COL25A1: variants seen among roughly 807,000 people sequenced by gnomAD.
The protein encoded by COL25A1 is collagen alpha-1(XXV) chain.
COL25A1 carries 103 observed loss-of-function variants against 128.4 expected under a neutral mutation model. The observed-to-expected ratio is 0.80, with a 90% CI of 0.68 to 0.94. The LOEUF (loss-of-function observed/expected upper bound fraction) is 0.94. COL25A1 is among the 40% of genes least tolerant of loss of function. COL25A1 has a pLI of 0.00. For synonymous variants in COL25A1, 279 were observed against 277.2 expected, an observed-to-expected ratio of 1.01 and a Z score of -0.06; for missense variants, 745 against 840.0, an observed-to-expected ratio of 0.89 and a Z score of 1.40.
intron 11 of COL25A1, among the ~76,000 whole-genome samples, chr4:108,921,705 T>C (rs1203099070): frequency 6.6e-6 from 1 of 152,232 alleles, no homozygotes; most frequent in Non-Finnish European, 1.5e-5. Context: ...CACCATGTTA[T>C]TTTGCAATCC....
chr4:108,914,997 A>C (rs1328751108), intron 13 of COL25A1, among the ~76,000 whole-genome samples: 1 of 152,188 alleles, frequency 6.6e-6, no homozygotes, highest in Non-Finnish European at 1.5e-5. Flanking sequence ...GACACATAGC[A>C]TTCTCTCTCA....
chr4:109,142,301 AT>A (rs1478428348), intron 3 of COL25A1, among the ~76,000 whole-genome samples: 2 of 151,436 alleles, frequency 1.3e-5, no homozygotes, highest in Non-Finnish European at 3.0e-5. Flanking sequence ...TATGATATCC[AT>A]TTTTTGCATT....
chr4:109,060,739 C>T (rs1484850893), intron 3 of COL25A1, among the ~76,000 whole-genome samples: 1 of 151,216 alleles, frequency 6.6e-6, no homozygotes, highest in Non-Finnish European at 1.5e-5. Flanking sequence ...GAGTTCATGG[C>T]TTTCAGAATT....
At chr4:109,254,790 A>T (rs1475680041) in intron 3 of COL25A1, among the ~76,000 whole-genome samples, 1 of 152,092 alleles carries the variant, frequency 6.6e-6, no homozygotes, top group Non-Finnish European at 1.5e-5. Flanking sequence ...TGCCCAGCAA[A>T]GAGATTCTGC....
At chr4:109,169,481 T>C (rs1233276933) in intron 3 of COL25A1, among the ~76,000 whole-genome samples, 1 of 152,202 alleles carries the variant, frequency 6.6e-6, no homozygotes, top group Non-Finnish European at 1.5e-5. Flanking sequence ...TGATTATCCT[T>C]GTGTGTTTGC....
intron 16 of COL25A1, among the ~76,000 whole-genome samples, chr4:108,891,305 C>T (rs1175181057): frequency 6.6e-6 from 1 of 152,060 alleles, no homozygotes; most frequent in African/African-American, 2.4e-5. Context: ...ATTGCTATTC[C>T]TCCTGTTGAA....
At chr4:108,984,026 T>C (rs1578980317) in intron 6 of COL25A1, among the ~76,000 whole-genome samples, 1 of 152,106 alleles carries the variant, frequency 6.6e-6, no homozygotes, top group Non-Finnish European at 1.5e-5. Flanking sequence ...TGGTCTGTTT[T>C]GACAGGGCGC....
chr4:108,884,796 T>C (rs1024401834), intron 18 of COL25A1, among the ~76,000 whole-genome samples: 1 of 152,228 alleles, frequency 6.6e-6, no homozygotes, highest in Non-Finnish European at 1.5e-5. Context: ...TGACAATTGT[T>C]GAGTCTGAGC....
chr4:109,299,253 A>C lies in COL25A1; in HGVS notation c.367+1330T>G, dbSNP rs554946849. 4.6e-5 allele frequency among the ~76,000 whole-genome samples: 7 copies of C among 152,286 alleles called. No individual in the cohort carries two copies. In the East Asian group the frequency reaches 1.3e-3, roughly 29 times the overall value. The stretch of plus-strand genomic sequence containing the variant: ...TTTAAATAATCCCTACAGGCTGATG[A>C]GGTGGTTGAGTTAATTCCCACACTA... On this transcript the variant is annotated intron_variant, in intron 3 of 37. Coordinates refer to ENST00000399132, the MANE Select transcript of COL25A1 (RefSeq NM_198721.4).
intron 3 of COL25A1, among the ~76,000 whole-genome samples, chr4:109,271,321 A>G (rs1782183717): frequency 1.3e-5 from 2 of 152,252 alleles, no homozygotes; most frequent in African/African-American, 2.4e-5. Context: ...CCAATTTTAT[A>G]GTGTACTAAA....
At chr4:109,258,625 C>T (rs1305833380) in intron 3 of COL25A1, among the ~76,000 whole-genome samples, 1 of 151,938 alleles carries the variant, frequency 6.6e-6, no homozygotes, top group East Asian at 1.9e-4. Context: ...CCTTTTTGGC[C>T]AAATACTGTA....
At chr4:109,155,611 T>A (rs1771952019) in intron 3 of COL25A1, among the ~76,000 whole-genome samples, 1 of 152,226 alleles carries the variant, frequency 6.6e-6, no homozygotes, top group Non-Finnish European at 1.5e-5. Context: ...AATGAATGAA[T>A]GAATCTTAGA....
At chr4:108,886,493 T>TGTGTGTGTGTGTG in intron 18 of COL25A1, among the ~76,000 whole-genome samples, 1 of 48,504 alleles carries the variant, frequency 2.1e-5, no homozygotes, top group East Asian at 5.5e-3. Flanking sequence ...TGTGTGTGTG[T>TGTGTGTGTGTGTG]TTAGCTCATC....
chr4:109,246,154 C>T (rs1202437419), intron 3 of COL25A1, among the ~76,000 whole-genome samples: 3 of 151,838 alleles, frequency 2.0e-5, no homozygotes, highest in Non-Finnish European at 4.4e-5. Context: ...CTTCAAATTC[C>T]TAAGGCTGCT....
intron 3 of COL25A1, among the ~76,000 whole-genome samples, chr4:109,245,026 C>A (rs75210198): frequency 1.2e-3 from 189 of 152,152 alleles, no homozygotes; most frequent in Non-Finnish European, 2.2e-3. Context: ...CTCAATATGG[C>A]ACTATAATTG....
intron 3 of COL25A1, among the ~76,000 whole-genome samples, chr4:109,221,393 C>T (rs1778399884): frequency 6.6e-6 from 1 of 152,038 alleles, no homozygotes; most frequent in Non-Finnish European, 1.5e-5. Context: ...AAATCTATAC[C>T]TGTAGGAATT....
rs181638720 is a variant in COL25A1, at chr4:109,090,205, T to G, written c.368-40026A>C. ...AGAATTTAAGTTTAAAGTAGTACATTTGACCTATAAAAACCACACGGAACT... is the reference window on the plus strand; with the variant it reads ...AGAATTTAAGTTTAAAGTAGTACATGTGACCTATAAAAACCACACGGAACT... On this transcript the variant is annotated intron_variant, in intron 3 of 37. Coordinates refer to ENST00000399132, the MANE Select transcript of COL25A1 (RefSeq NM_198721.4). Among the ~76,000 whole-genome samples, 3 of 152,298 alleles carry G rather than the reference T, an allele frequency of 2.0e-5. No homozygotes were observed. In the East Asian group the frequency reaches 5.8e-4, roughly 29 times the overall value.
chr4:109,197,466 T>C (rs1405291728), intron 3 of COL25A1, among the ~76,000 whole-genome samples: 1 of 70,868 alleles, frequency 1.4e-5, no homozygotes, highest in African/African-American at 4.3e-5. Context: ...ATAAATATTA[T>C]ATATAATATA....
At chr4:109,004,177 A>AAG (rs1375320199) in intron 6 of COL25A1, among the ~76,000 whole-genome samples, 2 of 152,190 alleles carry the variant, frequency 1.3e-5, no homozygotes, top group East Asian at 3.9e-4. Flanking sequence ...CTCCTTTCTT[A>AAG]TTTAATTTCA....
Sources: gnomAD v4.1 joint callset for allele counts (sites outside exome capture counted in the v4.1 genomes callset) on GRCh38, gnomAD v4.1.1 for gene constraint, MANE v1.5 for transcripts, NCBI Gene and HGNC (gene_info 2026-07-23, HGNC 2026-07-21) for gene names.